The following VIT variants were observed in gnomAD, a reference collection of about 807,000 sequenced individuals.
VIT encodes vitrin.
A neutral mutation model predicts 78.0 loss-of-function variants in VIT; 99 were observed. The ratio of observed to expected loss-of-function variants is 1.27; its 90% CI spans 1.08 to 1.50. The LOEUF (loss-of-function observed/expected upper bound fraction) is 1.50. Among genes scored for constraint, VIT ranks in the 40% most tolerant of loss-of-function variants. The probability of loss-of-function intolerance (pLI) is 0.00; values close to 1 mark genes in which losing one functional copy is unlikely to be tolerated. For missense variants in VIT, 1,126 were observed against 875.3 expected (o/e 1.29, Z -3.61); for synonymous variants, 374 against 334.3 (o/e 1.12, Z -1.29).
rs1392150368 is a variant in VIT, at chr2:36,787,255, T to C, written c.1037T>C (p.Leu346Pro). 6.2e-7 allele frequency: 1 copy of C among 1,614,190 alleles called. No individual in the cohort carries two copies. Among genetic ancestry groups the C allele is most frequent in the South Asian group, 1.1e-5 (1 of 91,080 alleles). Residue 346 changes from leucine (L) to proline (P), a missense_variant, in exon 12 of 16, where the codon CTG becomes CCG. Transcript: ENST00000379242. The part of the protein sequence containing the change: ...QALDIGPAGP[L>P]MGVVQYGDNP... ...CTTGACATTGGCCCTGCCGGTCCAC[T>C]GATGGGTGTTGTCCAGTATGGGTAA...
At chr2:36,812,854 T>C (rs1175032981) in intron 15 of VIT, among the ~76,000 whole-genome samples, 1 of 133,388 alleles carries the variant, frequency 7.5e-6, no homozygotes, top group South Asian at 2.3e-4. Context: ...TTTTGTTTTT[T>C]CTTCTTCTTT....
At chr2:36,751,278 G>A (rs12479022) in intron 4 of VIT, among the ~76,000 whole-genome samples, 1 of 151,904 alleles carries the variant, frequency 6.6e-6, no homozygotes, top group Non-Finnish European at 1.5e-5. Flanking sequence ...TGCCTATAAT[G>A]CCAGCTACTC....
intron 4 of VIT, among the ~76,000 whole-genome samples, chr2:36,750,296 A>C (rs1026302631): frequency 6.6e-6 from 1 of 152,198 alleles, no homozygotes; most frequent in Non-Finnish European, 1.5e-5. Context: ...CCACAGCACC[A>C]TCAGCCCTCT....
chr2:36,735,704 A>G (rs1046590348), intron 3 of VIT, among the ~76,000 whole-genome samples: 1 of 152,340 alleles, frequency 6.6e-6, no homozygotes, highest in African/African-American at 2.4e-5. Flanking sequence ...GGCAAGGGAC[A>G]TTTCCTTTAC....
intron 1 of VIT, among the ~76,000 whole-genome samples, chr2:36,700,094 A>C (rs367588077): frequency 1.3e-5 from 2 of 152,198 alleles, no homozygotes; most frequent in African/African-American, 2.4e-5. Flanking sequence ...ATAATCTTCA[A>C]ACTTTTACAC....
intron 2 of VIT, among the ~76,000 whole-genome samples, chr2:36,717,143 G>A (rs534666094): frequency 6.6e-6 from 1 of 150,918 alleles, no homozygotes; most frequent in South Asian, 2.1e-4. Context: ...CCAAAGTGCT[G>A]GGATTACAGG....
chr2:36,806,608 G>T (rs1182458698), intron 14 of VIT, among the ~76,000 whole-genome samples: 1 of 152,082 alleles, frequency 6.6e-6, no homozygotes, highest in Non-Finnish European at 1.5e-5. Flanking sequence ...ATGCAGTGGC[G>T]CGATCTCGGC....
At chr2:36,809,198 C>G (rs928565984) in intron 15 of VIT, among the ~76,000 whole-genome samples, 6 of 152,106 alleles carry the variant, frequency 3.9e-5, no homozygotes, top group African/African-American at 1.4e-4. Context: ...AAGGTGGTCT[C>G]CTAAGTGTCA....
At chr2:36,802,741 G>A (rs1305421937) in intron 13 of VIT, among the ~76,000 whole-genome samples, 1 of 152,230 alleles carries the variant, frequency 6.6e-6, no homozygotes, top group Non-Finnish European at 1.5e-5. Flanking sequence ...AATCCAATCA[G>A]CATACGTTTT....
chr2:36,800,459 A>G (rs1199528487), intron 12 of VIT, among the ~76,000 whole-genome samples: 1 of 152,238 alleles, frequency 6.6e-6, no homozygotes. Flanking sequence ...GCAGCAGAGC[A>G]CTATGCCAAG....
intron 13 of VIT, among the ~76,000 whole-genome samples, chr2:36,801,891 C>A (rs887065953): frequency 3.3e-5 from 5 of 152,142 alleles, no homozygotes; most frequent in Non-Finnish European, 7.4e-5. Flanking sequence ...ACAGTCCCAG[C>A]ATGCTTGGTT....
intron 12 of VIT, among the ~76,000 whole-genome samples, chr2:36,800,768 T>C (rs1250131286): frequency 6.6e-6 from 1 of 152,224 alleles, no homozygotes; most frequent in Non-Finnish European, 1.5e-5. Context: ...AAATAGATGT[T>C]GACCTTCTAG....
Position 36,779,311 on chromosome 2 carries a change from T to C in VIT, c.803-2416T>C, listed in dbSNP as rs76972081. ...TTTCCTCACCTGTAAAATGGGATCA[T>C]AGCTGCACCTAACTCACTGGATGAT... On this transcript the variant is annotated intron_variant, in intron 9 of 15. Transcript: ENST00000379242. Among the ~76,000 whole-genome samples the C allele has an allele frequency of 1.1e-3, 168 of 152,350 alleles. 5 individuals carry two copies. In the East Asian group the frequency reaches 0.029, roughly 27 times the overall value.
chr2:36,805,814 G>A lies in VIT; in HGVS notation c.1389+150G>A, dbSNP rs528195403. The A allele has an allele frequency of 2.7e-4, 217 of 805,902 alleles. 3 individuals carry two copies. The South Asian group carries it at 3.9e-3, about 15-fold the overall frequency. The allele number at this position is 805,902 out of a possible 1,614,324, so 49.9% of individuals were successfully genotyped here. On this transcript the variant is annotated intron_variant, in intron 14 of 15. Coordinates refer to ENST00000379242, the MANE Select transcript of VIT (RefSeq NM_053276.4). ...CCTCCAGGGAGGGACTGGTCAATCC[G>A]AAACCTGCAATTACCCTCTCAAAGC... is the stretch of plus-strand genomic sequence containing the variant.
chr2:36,794,200 G>A (rs1395621988), intron 12 of VIT, among the ~76,000 whole-genome samples: 1 of 152,054 alleles, frequency 6.6e-6, no homozygotes, highest in Non-Finnish European at 1.5e-5. Context: ...CCAACTTCTG[G>A]CTCCCTGTCA....
At chr2:36,796,506 A>C (rs1285016659) in intron 12 of VIT, among the ~76,000 whole-genome samples, 1 of 152,222 alleles carries the variant, frequency 6.6e-6, no homozygotes, top group Non-Finnish European at 1.5e-5. Context: ...GAGACAGGGA[A>C]TCGACAATTG....
chr2:36,713,818 G>A (rs1446742854), intron 1 of VIT, among the ~76,000 whole-genome samples: 1 of 152,236 alleles, frequency 6.6e-6, no homozygotes, highest in African/African-American at 2.4e-5. Context: ...GCCAATTAAT[G>A]GGGCTGCACA....
At chr2:36,773,764 G>T in intron 7 of VIT, 27 bp from the exon 8 acceptor site, 2 of 1,547,578 alleles carry the variant, frequency 1.3e-6, no homozygotes, top group Non-Finnish European at 1.7e-6. Context: ...TAAAATTCAT[G>T]CTCTGACCAG....
At chr2:36,791,552 C>T (rs1194760716) in intron 12 of VIT, among the ~76,000 whole-genome samples, 2 of 152,190 alleles carry the variant, frequency 1.3e-5, no homozygotes, top group African/African-American at 2.4e-5. Flanking sequence ...GCAGTGTAGC[C>T]ACACGTGTCC....
Sources: allele counts gnomAD v4.1 joint callset (sites outside exome capture counted in the v4.1 genomes callset), GRCh38; gene constraint gnomAD v4.1.1; transcripts MANE v1.5; gene names NCBI Gene and HGNC (gene_info 2026-07-23, HGNC 2026-07-21).